Variants in PPP4R1 observed in about 807,000 individuals in gnomAD.
PPP4R1 encodes the protein protein phosphatase 4 regulatory subunit 1.
A neutral mutation model predicts 111.2 loss-of-function variants in PPP4R1; 42 were observed. The observed-to-expected ratio is 0.38, with a 90% CI of 0.29 to 0.49. The LOEUF (loss-of-function observed/expected upper bound fraction) is 0.49, where lower values mean the gene tolerates loss of function less well. Among genes scored for constraint, PPP4R1 ranks in the 20% least tolerant of loss-of-function variants. The probability of loss-of-function intolerance (pLI) is 0.97; values close to 1 mark genes in which losing one functional copy is unlikely to be tolerated. For synonymous variants in PPP4R1, 409 were observed against 405.5 expected (o/e 1.01, Z -0.10); for missense variants, 1,012 against 1,161.6 (o/e 0.87, Z 1.87).
Position 9,553,426 on chromosome 18 carries a change from A to C in PPP4R1, c.2191-4T>G. ...TTCTTTTGTCAATATGAAGAAGCTA[A>C]AGTAACAAAATAAAAATATTTACCA... On this transcript the variant is annotated splice_polypyrimidine_tract_variant and splice_region_variant and intron_variant, in intron 15 of 19. Transcript: ENST00000400556. The C allele has an allele frequency of 6.5e-7, 1 of 1,532,790 alleles. No homozygotes were observed. The highest frequency in any genetic ancestry group is 9.0e-7 in the Non-Finnish European group (1 of 1,110,526). 94.9% of individuals were successfully genotyped at this position (1,532,790 alleles called of 1,614,324 possible).
chr18:9,549,827 G>A, intron 18 of PPP4R1: 1 of 619,446 alleles, frequency 1.6e-6, no homozygotes, highest in Non-Finnish European at 2.8e-6. Context: ...GCAGGCACGT[G>A]GGGTGTGTGT....
At position 9,602,641 on chromosome 18, in the gene PPP4R1, T is replaced by C. The variant is rs888646473; in HGVS notation, c.53-7488A>G. On this transcript the variant is annotated intron_variant, in intron 2 of 19. Coordinates refer to ENST00000400556, the MANE Select transcript of PPP4R1 (RefSeq NM_001042388.3). ...TTGGGAGGCCAAGGTGGGCTGATCA[T>C]CTGAGGTCAGAAGTTTGACACCATC... Among the ~76,000 whole-genome samples the C allele has an allele frequency of 4.7e-4, 71 of 151,768 alleles. 2 individuals carry two copies. Among genetic ancestry groups the C allele is most frequent in the Non-Finnish European group, 2.1e-4 (14 of 67,928 alleles).
At position 9,588,276 on chromosome 18, in the gene PPP4R1, C is replaced by T. The variant is rs371676573; in HGVS notation, c.439-41G>A. The T allele has an allele frequency of 4.4e-6, 7 of 1,577,184 alleles. No individual in the cohort carries two copies. The Admixed American group carries it at 9.0e-5, about 20-fold the overall frequency. ...CAACACAAAGAAAGTACATATGCAA[C>T]ATGACAAAATTCTATCACTTGATTT... On this transcript the variant is annotated intron_variant, in intron 5 of 19. Transcript: ENST00000400556.
At chr18:9,580,201 T>G (rs1382153442) in intron 9 of PPP4R1, among the ~76,000 whole-genome samples, 1 of 152,200 alleles carries the variant, frequency 6.6e-6, no homozygotes, top group South Asian at 2.1e-4. Context: ...GGAGCTCAGC[T>G]GACCCACTTC....
At chr18:9,587,175 G>A (rs541017809) in intron 6 of PPP4R1, among the ~76,000 whole-genome samples, 4 of 152,268 alleles carry the variant, frequency 2.6e-5, no homozygotes, top group South Asian at 2.1e-4. Context: ...TCTTCGTTCA[G>A]TCCAGGGTTT....
At chr18:9,614,970 G>A (rs1353294499), upstream of PPP4R1, 1 of 152,108 alleles carries the variant, frequency 6.6e-6, no homozygotes. This position sits in a 1 kb window ranked among gnomAD's most constrained non-coding sequence, Gnocchi z 4.1. Flanking sequence ...AGCCATCTCG[G>A]CGGGCGCGCC....
At chr18:9,600,797 C>G (rs980575940) in intron 2 of PPP4R1, among the ~76,000 whole-genome samples, 2 of 152,118 alleles carry the variant, frequency 1.3e-5, no homozygotes, top group Non-Finnish European at 2.9e-5. Flanking sequence ...GGGGGGATCA[C>G]TTGAGTACGG....
intron 6 of PPP4R1, 127 bp from the exon 7 acceptor site, chr18:9,584,955 T>C (rs2067092548): frequency 7.3e-6 from 5 of 682,164 alleles, no homozygotes; most frequent in Non-Finnish European, 1.2e-5. Context: ...ACTATATACA[T>C]GACAGAAAAC....
chr18:9,572,025 A>G (rs2066870614), intron 10 of PPP4R1, among the ~76,000 whole-genome samples: 2 of 152,264 alleles, frequency 1.3e-5, no homozygotes, highest in African/African-American at 4.8e-5. Context: ...CCAGGACTAC[A>G]GAAGAACACA....
At chr18:9,568,735 G>A (rs1349977344) in intron 11 of PPP4R1, among the ~76,000 whole-genome samples, 1 of 152,114 alleles carries the variant, frequency 6.6e-6, no homozygotes, top group Non-Finnish European at 1.5e-5. Flanking sequence ...TAAAAATATA[G>A]TTTAAGAAAA....
chr18:9,595,645 C>G lies in PPP4R1; in HGVS notation c.53-492G>C, dbSNP rs150362439. ...TTTGTGCCAAGTACTAGGGTAGATG[C>G]TGGAGAAACAACAATGAAAATACTA... On this transcript the variant is annotated intron_variant, in intron 2 of 19. Coordinates refer to ENST00000400556, the MANE Select transcript of PPP4R1 (RefSeq NM_001042388.3). 2.4e-3 allele frequency among the ~76,000 whole-genome samples: 362 copies of G among 152,152 alleles called. 1 individual carries two copies. Among genetic ancestry groups the G allele is most frequent in the African/African-American group, 8.4e-3 (350 of 41,512 alleles).
chr18:9,563,414 T>C lies in PPP4R1; in HGVS notation c.1710A>G (p.Gln570=), dbSNP rs1367777277. 2 of 1,613,186 alleles carry C rather than the reference T, an allele frequency of 1.2e-6. No homozygotes were observed. Among genetic ancestry groups the C allele is most frequent in the South Asian group, 1.1e-5 (1 of 91,016 alleles). ...INELPNCKIN[Q]EDSVPLISDA... ...CGCTGATTAAAGGCACAGAATCTTC[T>C]TGATTTATTTTACAATTTGGTAGCT... is the stretch of plus-strand genomic sequence containing the variant. Residue 570 remains glutamine, a synonymous_variant, in exon 12 of 20, where the codon CAA becomes CAG. Transcript: ENST00000400556.
At position 9,584,555 on chromosome 18, in the gene PPP4R1, A is replaced by G. The variant is rs2067084127; in HGVS notation, c.719T>C (p.Ile240Thr). 1 of 1,613,450 alleles carries G rather than the reference A, an allele frequency of 6.2e-7. No homozygotes were observed. Among genetic ancestry groups the G allele is most frequent in the Non-Finnish European group, 8.5e-7 (1 of 1,179,734 alleles). The part of the protein sequence containing the change: ...RKVCAANFGD[I>T]CSVVGQQATE... ...AGCTTGCTGGCCAACTACACTGCAA[A>G]TATCTCCAAAATTGGCAGCACAGAC... Residue 240 changes from isoleucine to threonine, a missense_variant, in exon 8 of 20, where the codon ATT becomes ACT. Transcript: ENST00000400556.
At chr18:9,609,062 C>CAT (rs1398530100) in intron 2 of PPP4R1, among the ~76,000 whole-genome samples, 3 of 152,050 alleles carry the variant, frequency 2.0e-5, no homozygotes, top group Non-Finnish European at 4.4e-5. Context: ...GTCTCTCTCT[C>CAT]TCTCTCTTTC....
intron 5 of PPP4R1, 118 bp from the exon 6 acceptor site, chr18:9,588,353 G>GTTTTGTGTTTATTTTCTT: frequency 9.4e-7 from 1 of 1,066,502 alleles, no homozygotes; most frequent in Non-Finnish European, 1.3e-6. Flanking sequence ...GCAAAACTCC[G>GTTTTGTGTTTATTTTCTT]CAAATAAATA....
At chr18:9,567,458 G>A (rs1369652785) in intron 11 of PPP4R1, among the ~76,000 whole-genome samples, 1 of 152,136 alleles carries the variant, frequency 6.6e-6, no homozygotes, top group Non-Finnish European at 1.5e-5. Flanking sequence ...TGAACTCCTG[G>A]TCTCAAGCAA....
chr18:9,604,918 T>C (rs890610240), intron 2 of PPP4R1, among the ~76,000 whole-genome samples: 37 of 152,362 alleles, frequency 2.4e-4, no homozygotes, highest in African/African-American at 8.7e-4. Flanking sequence ...TACTATACTT[T>C]ATCCTTCTCT....
At chr18:9,608,025 C>T (rs954110592) in intron 2 of PPP4R1, among the ~76,000 whole-genome samples, 2 of 144,622 alleles carry the variant, frequency 1.4e-5, no homozygotes, top group Admixed American at 6.8e-5. Flanking sequence ...CTCGGGTGAT[C>T]CACCCGCCTC....
intron 11 of PPP4R1, among the ~76,000 whole-genome samples, chr18:9,565,228 C>CT (rs1877044611): frequency 6.6e-6 from 1 of 152,174 alleles, no homozygotes; most frequent in African/African-American, 2.4e-5. Flanking sequence ...TTGGGAGCTG[C>CT]TAACTAGCCA....
Sources: gnomAD v4.1 joint callset for allele counts (sites outside exome capture counted in the v4.1 genomes callset) on GRCh38, gnomAD v4.1.1 for gene constraint, Gnocchi (gnomAD v3.1) non-coding constraint, MANE v1.5 for transcripts, NCBI Gene and HGNC (gene_info 2026-07-23, HGNC 2026-07-21) for gene names.